Variants in RAB2A observed in about 807,000 individuals in gnomAD.
RAB2A encodes RAB2A, member RAS oncogene family, also known as ras-related protein Rab-2A.
A neutral mutation model predicts 32.5 loss-of-function variants in RAB2A; 7 were observed. The ratio of observed to expected loss-of-function variants is 0.22; its 90% CI spans 0.12 to 0.40. The LOEUF is 0.40. Among genes scored for constraint, RAB2A ranks in the 10% least tolerant of loss-of-function variants. The pLI is 1.00. For missense variants in RAB2A, 108 were observed against 260.7 expected, an observed-to-expected ratio of 0.41 and a Z score of 4.03; for synonymous variants, 79 against 85.2, an observed-to-expected ratio of 0.93 and a Z score of 0.40.
At chr8:60,571,986 C>A in intron 2 of RAB2A, 60 bp from the exon 3 acceptor site, 1 of 1,244,894 alleles carries the variant, frequency 8.0e-7, no homozygotes, top group Non-Finnish European at 1.1e-6. Context: ...TGTTTTTAAT[C>A]CTTGAAAGTG....
intron 5 of RAB2A, among the ~76,000 whole-genome samples, chr8:60,588,468 A>G (rs1803883049): frequency 6.6e-6 from 1 of 152,234 alleles, no homozygotes; most frequent in Middle Eastern, 3.2e-3. Flanking sequence ...AAAAATAGTG[A>G]TACAGCATTA....
intron 6 of RAB2A, among the ~76,000 whole-genome samples, chr8:60,607,416 G>A (rs985690947): frequency 3.9e-5 from 5 of 128,732 alleles, no homozygotes; most frequent in Admixed American, 8.1e-5. Context: ...GCGACAGAGC[G>A]AGACTCCATC....
At chr8:60,590,073 C>T (rs1000261065) in intron 5 of RAB2A, among the ~76,000 whole-genome samples, 15 of 151,770 alleles carry the variant, frequency 9.9e-5, no homozygotes, top group African/African-American at 2.7e-4. Context: ...GCAATTCTCC[C>T]GCCTCAGTCT....
At chr8:60,520,832 A>G (rs980300630) in intron 1 of RAB2A, among the ~76,000 whole-genome samples, 1 of 152,074 alleles carries the variant, frequency 6.6e-6, no homozygotes, top group African/African-American at 2.4e-5. Context: ...TTATCTATCT[A>G]TTGAGACATG....
At chr8:60,565,924 A>C (rs780202317) in intron 2 of RAB2A, among the ~76,000 whole-genome samples, 20 of 152,012 alleles carry the variant, frequency 1.3e-4, no homozygotes, top group African/African-American at 2.2e-4. Flanking sequence ...TATGTTAGCC[A>C]GGATGGTCTC....
intron 2 of RAB2A, among the ~76,000 whole-genome samples, chr8:60,565,470 C>T (rs1340777472): frequency 6.7e-6 from 1 of 149,160 alleles, no homozygotes; most frequent in East Asian, 2.0e-4. Context: ...TGAAAGTATA[C>T]TTTTAGGACA....
At chr8:60,541,341 GACA>G (rs1807642718) in intron 1 of RAB2A, among the ~76,000 whole-genome samples, 1 of 152,124 alleles carries the variant, frequency 6.6e-6, no homozygotes. Flanking sequence ...GTGATCCTGA[GACA>G]ACAAAAGGAC....
At chr8:60,569,811 C>T in intron 2 of RAB2A, 1 of 350,474 alleles carries the variant, frequency 2.9e-6, no homozygotes, top group East Asian at 8.3e-5. Context: ...CCTCTGGGCC[C>T]AGCTGATCTG....
chr8:60,558,221 G>C (rs555293181), intron 1 of RAB2A, among the ~76,000 whole-genome samples: 1 of 152,158 alleles, frequency 6.6e-6, no homozygotes, highest in Non-Finnish European at 1.5e-5. Flanking sequence ...GAGTAAGAAG[G>C]GGGTATGGTA....
intron 1 of RAB2A, among the ~76,000 whole-genome samples, chr8:60,526,035 ATATATATATATATATATATAT>A (rs1434692366): frequency 1.2e-4 from 15 of 121,402 alleles, no homozygotes; most frequent in Admixed American, 5.1e-4. Context: ...ATATATATAT[ATATATATATATATATATATAT>A]AAGTTTTCTG....
At chr8:60,562,507 A>G (rs1362552317) in intron 2 of RAB2A, among the ~76,000 whole-genome samples, 1 of 152,210 alleles carries the variant, frequency 6.6e-6, no homozygotes, top group Non-Finnish European at 1.5e-5. Flanking sequence ...AAGAACAAAG[A>G]TGGTAGCTAA....
chr8:60,546,826 A>G (rs1198189914), intron 1 of RAB2A, among the ~76,000 whole-genome samples: 2 of 151,612 alleles, frequency 1.3e-5, no homozygotes, highest in East Asian at 3.8e-4. Flanking sequence ...CAGTTCAATC[A>G]GCATCTCTGG....
chr8:60,615,840 A>G (rs1586118169), intron 6 of RAB2A, among the ~76,000 whole-genome samples: 1 of 152,186 alleles, frequency 6.6e-6, no homozygotes, highest in African/African-American at 2.4e-5. Context: ...TACATTTGTC[A>G]TGCTGGGTTT....
At chr8:60,527,042 A>G (rs530020245) in intron 1 of RAB2A, among the ~76,000 whole-genome samples, 1 of 152,236 alleles carries the variant, frequency 6.6e-6, no homozygotes, top group Non-Finnish European at 1.5e-5. Context: ...TTAACTCACA[A>G]TTCCACAGGC....
At chr8:60,521,436 G>GT (rs1182152042) in intron 1 of RAB2A, among the ~76,000 whole-genome samples, 3 of 152,106 alleles carry the variant, frequency 2.0e-5, no homozygotes, top group Non-Finnish European at 4.4e-5. Flanking sequence ...AAATTACAAG[G>GT]TTATGTAGGG....
intron 1 of RAB2A, among the ~76,000 whole-genome samples, chr8:60,527,873 T>C (rs1807416714): frequency 6.6e-6 from 1 of 152,168 alleles, no homozygotes; most frequent in Non-Finnish European, 1.5e-5. Flanking sequence ...TTATAGGGCA[T>C]TTTCTCTAGA....
At chr8:60,544,386 G>A (rs1467701586) in intron 1 of RAB2A, among the ~76,000 whole-genome samples, 1 of 151,890 alleles carries the variant, frequency 6.6e-6, no homozygotes, top group African/African-American at 2.4e-5. Context: ...AACTTGGTCA[G>A]GTGAGTTTAG....
At chr8:60,520,626 A>G (rs968892007) in intron 1 of RAB2A, among the ~76,000 whole-genome samples, 1 of 151,128 alleles carries the variant, frequency 6.6e-6, no homozygotes, top group Non-Finnish European at 1.5e-5. Context: ...CACCTGGCCA[A>G]CTCCTTTTTA....
chr8:60,620,530 T>C, intron 7 of RAB2A, 144 bp from the exon 8 acceptor site: 1 of 645,208 alleles, frequency 1.5e-6, no homozygotes, highest in Non-Finnish European at 2.7e-6. Context: ...GGAGATATTG[T>C]TTTAATTGTT....
Sources: gnomAD v4.1 joint callset for allele counts (sites outside exome capture counted in the v4.1 genomes callset) on GRCh38, gnomAD v4.1.1 for gene constraint, MANE v1.5 for transcripts, NCBI Gene and HGNC (gene_info 2026-07-23, HGNC 2026-07-21) for gene names.